Variants in CAMK2G observed in about 807,000 individuals in gnomAD.
CAMK2G encodes calcium/calmodulin-dependent protein kinase type II subunit gamma.
A neutral mutation model predicts 88.7 loss-of-function variants in CAMK2G; 23 were observed. The ratio of observed to expected loss-of-function variants is 0.26; its 90% CI spans 0.19 to 0.37. CAMK2G has a LOEUF of 0.37. Ranked by LOEUF, CAMK2G falls within the 10% of genes least tolerant of loss-of-function variation. The pLI, the probability that CAMK2G is intolerant of heterozygous loss-of-function variation, is 1.00. For missense variants in CAMK2G, 476 were observed against 780.8 expected (o/e 0.61, Z 4.65); for synonymous variants, 263 against 294.8 (o/e 0.89, Z 1.11).
intron 14 of CAMK2G, among the ~76,000 whole-genome samples, chr10:73,835,866 G>C (rs140006288): frequency 1.3e-5 from 2 of 151,950 alleles, no homozygotes; most frequent in African/African-American, 4.8e-5. Flanking sequence ...ACGGAGTCTT[G>C]CTCTGTCGCC....
chr10:73,824,206 C>T (rs1589941546), intron 16 of CAMK2G, 122 bp from the exon 17 acceptor site: 2 of 681,730 alleles, frequency 2.9e-6, no homozygotes, highest in East Asian at 5.5e-5. Flanking sequence ...GGCCTGCCCA[C>T]CAGCCATCTC....
At chr10:73,837,548 T>C (rs777810981) in intron 13 of CAMK2G, 37 bp from the exon 14 acceptor site, 1 of 1,557,636 alleles carries the variant, frequency 6.4e-7, no homozygotes. Context: ...TCTCCTGCAT[T>C]GTACCCTCTC....
intron 14 of CAMK2G, chr10:73,837,112 T>A (rs749164736): frequency 1.1e-5 from 3 of 275,340 alleles, no homozygotes; most frequent in Non-Finnish European, 2.1e-5. Flanking sequence ...TTAAAAGGAT[T>A]TGTGCTCTAA....
intron 10 of CAMK2G, among the ~76,000 whole-genome samples, chr10:73,845,515 G>C (rs2094167440): frequency 6.6e-6 from 1 of 151,170 alleles, no homozygotes; most frequent in African/African-American, 2.4e-5. Context: ...CCGGGAGGCA[G>C]AGCTTGCAGT....
chr10:73,873,419 CG>C, intron 1 of CAMK2G: 1 of 1,175,528 alleles, frequency 8.5e-7, no homozygotes. Context: ...CCTGCGGTCC[CG>C]GCCAAGAGAA....
chr10:73,859,263 G>T (rs1263845032), intron 3 of CAMK2G, among the ~76,000 whole-genome samples: 1 of 152,224 alleles, frequency 6.6e-6, no homozygotes, highest in African/African-American at 2.4e-5. Flanking sequence ...CAAGGACAGT[G>T]GCCAGCGGGC....
At chr10:73,867,324 A>T (rs574831660) in intron 2 of CAMK2G, among the ~76,000 whole-genome samples, 1 of 152,218 alleles carries the variant, frequency 6.6e-6, no homozygotes, top group African/African-American at 2.4e-5. Flanking sequence ...AGCAAGCCCC[A>T]AGAAGGCAAG....
intron 1 of CAMK2G, 28 bp from the exon 2 acceptor site, chr10:73,873,111 G>C (rs372885313): frequency 6.8e-7 from 1 of 1,478,864 alleles, no homozygotes; most frequent in Non-Finnish European, 9.5e-7. Context: ...AAAGAACTGG[G>C]ACACGGAGCA....
At chr10:73,870,469 G>C (rs2095788184) in intron 2 of CAMK2G, among the ~76,000 whole-genome samples, 1 of 152,182 alleles carries the variant, frequency 6.6e-6, no homozygotes, top group Non-Finnish European at 1.5e-5. Context: ...CCCAAAAGAA[G>C]GCTTCCTGTC....
intron 2 of CAMK2G, among the ~76,000 whole-genome samples, chr10:73,869,992 T>C (rs1325632502): frequency 1.3e-5 from 2 of 152,114 alleles, no homozygotes; most frequent in Non-Finnish European, 2.9e-5. Flanking sequence ...TGTAGTAATA[T>C]GGGGGAAATG....
chr10:73,867,274 C>T (rs997221931), intron 2 of CAMK2G, among the ~76,000 whole-genome samples: 3 of 152,226 alleles, frequency 2.0e-5, no homozygotes, highest in Admixed American at 6.5e-5. Context: ...CGAAAAGGCC[C>T]TCAATCAGCT....
intron 19 of CAMK2G, chr10:73,818,530 C>T (rs2086548632): frequency 2.7e-6 from 1 of 366,974 alleles, no homozygotes; most frequent in African/African-American, 2.1e-5. Context: ...GGCTGCAAGA[C>T]AACTGCAAGC....
intron 4 of CAMK2G, 82 bp downstream of exon 4, chr10:73,853,110 G>T: frequency 7.7e-7 from 1 of 1,290,616 alleles, no homozygotes; most frequent in Non-Finnish European, 1.1e-6. Context: ...AGGCTGGAGA[G>T]CCTGTTTAGG....
intron 5 of CAMK2G, among the ~76,000 whole-genome samples, chr10:73,851,752 G>GC (rs1491368738): frequency 1.4e-5 from 2 of 138,204 alleles, no homozygotes; most frequent in African/African-American, 3.1e-5. Flanking sequence ...TTTTTTTGTG[G>GC]GGGGGGGGAG....
Position 73,842,570 on chromosome 10 carries a change from C to T in CAMK2G, c.820-29G>A. The T allele has an allele frequency of 4.5e-6, 7 of 1,539,804 alleles. No individual in the cohort carries two copies. The highest frequency in any genetic ancestry group is 6.3e-6 in the Non-Finnish European group (7 of 1,112,720). On this transcript the variant is annotated intron_variant, in intron 10 of 22. Coordinates refer to ENST00000423381, the MANE Select transcript of CAMK2G (RefSeq NM_001367534.1). The surrounding 1 kb of genome is among the most constrained non-coding windows in gnomAD (Gnocchi z 4.6). ...GAAACCAAACAGACAGGCTATGAGCCCCAGCCCAGATCCTCTGCGCCTCCC... is the reference window on the plus strand; with the variant it reads ...GAAACCAAACAGACAGGCTATGAGCTCCAGCCCAGATCCTCTGCGCCTCCC...
chr10:73,845,451 G>A (rs1047454570), intron 10 of CAMK2G, among the ~76,000 whole-genome samples: 4 of 151,850 alleles, frequency 2.6e-5, no homozygotes, highest in South Asian at 2.1e-4. Flanking sequence ...GCGTGGTGGC[G>A]GGCACCTGTA....
At chr10:73,847,505 C>A (rs562930612) in intron 9 of CAMK2G, among the ~76,000 whole-genome samples, 158 bp from the exon 10 acceptor site, 1 of 152,288 alleles carries the variant, frequency 6.6e-6, no homozygotes, top group African/African-American at 2.4e-5. Context: ...ATTCCAGAAC[C>A]TGTGTCAACT....
At chr10:73,856,227 C>T (rs1050511462) in intron 3 of CAMK2G, among the ~76,000 whole-genome samples, 3 of 152,182 alleles carry the variant, frequency 2.0e-5, no homozygotes, top group African/African-American at 7.2e-5. Flanking sequence ...CCCCATCTGA[C>T]AGGAGAGGAA....
intron 14 of CAMK2G, among the ~76,000 whole-genome samples, chr10:73,831,252 G>T (rs1401060802): frequency 6.6e-6 from 1 of 152,036 alleles, no homozygotes; most frequent in Non-Finnish European, 1.5e-5. Flanking sequence ...TTTAAAAAAT[G>T]CAATTGGCCG....
Sources: allele counts gnomAD v4.1 joint callset (sites outside exome capture counted in the v4.1 genomes callset), GRCh38; gene constraint gnomAD v4.1.1; non-coding constraint Gnocchi (gnomAD v3.1); transcripts MANE v1.5; gene names NCBI Gene and HGNC (gene_info 2026-07-23, HGNC 2026-07-21).